Variants in DNA2 observed in about 807,000 individuals in gnomAD.
DNA2 encodes DNA replication ATP-dependent helicase/nuclease DNA2.
DNA2 carries 101 observed loss-of-function variants against 119.1 expected under a neutral mutation model. The ratio of observed to expected loss-of-function variants is 0.85; its 90% CI spans 0.72 to 1.00. The LOEUF (loss-of-function observed/expected upper bound fraction) is 1.00. DNA2 is among the 50% of genes least tolerant of loss of function. DNA2 has a pLI of 0.00. For missense variants in DNA2, 1,121 were observed against 1,255.5 expected (o/e 0.89, Z 1.62); for synonymous variants, 366 against 424.4 (o/e 0.86, Z 1.69).
chr10:68,442,918 T>G lies in DNA2; in HGVS notation c.1414A>C (p.Met472Leu). 1 of 1,608,624 alleles carries G rather than the reference T, an allele frequency of 6.2e-7. No individual in the cohort carries two copies. The highest frequency in any genetic ancestry group is 8.5e-7 in the Non-Finnish European group (1 of 1,177,778). The change falls in exon 9 of 21, where the codon ATG becomes CTG. Residue 472 changes from methionine to leucine, a missense_variant and splice_region_variant. Physicochemically the swap from Met to Leu is conservative, Grantham distance 15. Coordinates refer to ENST00000358410, the MANE Select transcript of DNA2 (RefSeq NM_001080449.3). ...QNIWLMPASE[M>L]EKSGSCIGNL... is the part of the protein sequence containing the mutation. ...TACTGTACTAAATGGACCACTTACA[T>G]TTCCGAAGCAGGCATTAGCCAGATA...
intron 5 of DNA2, among the ~76,000 whole-genome samples, chr10:68,456,921 T>G (rs1474786835): frequency 6.7e-6 from 1 of 150,258 alleles, no homozygotes; most frequent in African/African-American, 2.4e-5. Context: ...GATTACAAGG[T>G]CAGGAGATCG....
chr10:68,452,404 CAACT>C (rs1320057762), intron 5 of DNA2, among the ~76,000 whole-genome samples: 2 of 152,000 alleles, frequency 1.3e-5, no homozygotes, highest in Non-Finnish European at 2.9e-5. Context: ...ATTCTCTCAC[CAACT>C]GTTACTTGTT....
intron 10 of DNA2, among the ~76,000 whole-genome samples, chr10:68,432,806 G>C (rs1039545822): frequency 2.6e-5 from 4 of 152,118 alleles, no homozygotes; most frequent in Non-Finnish European, 5.9e-5. Flanking sequence ...CATCCCCAGA[G>C]GGATCCTGAA....
chr10:68,460,110 CTTT>C (rs368737041), intron 4 of DNA2, among the ~76,000 whole-genome samples: 1 of 149,844 alleles, frequency 6.7e-6, no homozygotes, highest in Non-Finnish European at 1.5e-5. Context: ...TTTCTCTTTT[CTTT>C]TTTTATTTTT....
intron 14 of DNA2, chr10:68,424,551 A>T: frequency 2.4e-6 from 2 of 822,436 alleles, no homozygotes; most frequent in Non-Finnish European, 4.3e-6. Flanking sequence ...CGCTAGCCGG[A>T]GCATCACCAT....
intron 10 of DNA2, among the ~76,000 whole-genome samples, chr10:68,433,447 G>A (rs2051847402): frequency 6.6e-6 from 1 of 152,078 alleles, no homozygotes; most frequent in Non-Finnish European, 1.5e-5. Flanking sequence ...GTAGCCAGAG[G>A]AAAATGCAAA....
At chr10:68,449,795 C>G (rs2052093352) in intron 6 of DNA2, among the ~76,000 whole-genome samples, 1 of 151,946 alleles carries the variant, frequency 6.6e-6, no homozygotes, top group Non-Finnish European at 1.5e-5. Context: ...GGCCTGTAAT[C>G]CCAGCTACTC....
At chr10:68,472,244 AGCTTAGTTTGAACACAACCTTTACAC>A (rs1010411060), upstream of DNA2, 141 of 1,180,394 alleles carry the variant, frequency 1.2e-4, no homozygotes, top group Middle Eastern at 8.5e-4. Flanking sequence ...ACAGGCGCCC[AGCTTAGTTTGAACACAACCTTTACAC>A]GCTTAGTTTG....
rs746522359 is a variant in DNA2 at position 68,431,936 on chromosome 10, C to T, written c.1909G>A (p.Val637Ile). 67 of 1,613,588 alleles carry T rather than the reference C, an allele frequency of 4.2e-5. No homozygotes were observed. Among genetic ancestry groups the T allele is most frequent in the Non-Finnish European group, 5.3e-5 (62 of 1,179,802 alleles). ...AGTGTGTAGTCTTTTGAAAGAAGTA[C>T]CTTTTTCATCGCTTGCCTCTGAGGC... Reference protein sequence around the residue: ...NKPQRQAMKKVLLSKDYTLIV... With the variant: ...NKPQRQAMKKILLSKDYTLIV... Residue 637 changes from valine to isoleucine, a missense_variant, in exon 13 of 21, where the codon GTA (valine) becomes ATA (isoleucine). Transcript: ENST00000358410.
At chr10:68,472,402 T>C (rs2052393820), upstream of DNA2, among the ~76,000 whole-genome samples, 1 of 152,116 alleles carries the variant, frequency 6.6e-6, no homozygotes, top group African/African-American at 2.4e-5. Context: ...AAATAGAAAC[T>C]GTCGGATAGG....
At chr10:68,457,265 T>A (rs937911812) in intron 5 of DNA2, among the ~76,000 whole-genome samples, 4 of 152,328 alleles carry the variant, frequency 2.6e-5, no homozygotes, top group African/African-American at 7.2e-5. Flanking sequence ...TACTGCACTT[T>A]GCTCTAGCCA....
chr10:68,425,903 G>A lies in DNA2; in HGVS notation c.2209-3013C>T, dbSNP rs575009901. Among the ~76,000 whole-genome samples, 415 of 151,960 alleles carry A rather than the reference G, an allele frequency of 2.7e-3. 3 individuals are homozygous for A. Among genetic ancestry groups the A allele is most frequent in the South Asian group, 0.018 (87 of 4,812 alleles). ...TAATACCAGCACTTTGGGAGGGCAA[G>A]ATGGGTGAATCACTTGAGGCCAGGA... On this transcript the variant is annotated intron_variant, in intron 14 of 20. Transcript: ENST00000358410.
chr10:68,419,952 G>A (rs761461811), intron 17 of DNA2, 60 bp from the exon 18 acceptor site: 97 of 1,395,712 alleles, frequency 6.9e-5, no homozygotes, highest in Non-Finnish European at 9.1e-5. Flanking sequence ...CTATAAGTAC[G>A]CAACTGGCCA....
intron 5 of DNA2, among the ~76,000 whole-genome samples, chr10:68,455,542 C>T (rs1347763126): frequency 2.0e-5 from 3 of 152,018 alleles, no homozygotes; most frequent in South Asian, 2.1e-4. Flanking sequence ...CAAACTCAGC[C>T]GGGCGCAGTG....
intron 14 of DNA2, among the ~76,000 whole-genome samples, chr10:68,426,464 G>A (rs1394299250): frequency 2.6e-5 from 4 of 151,976 alleles, no homozygotes; most frequent in African/African-American, 9.7e-5. Flanking sequence ...CTTGAACCTG[G>A]GAGGCAGAGG....
rs762788316 is a variant in DNA2, at chr10:68,450,087, T to C, written c.880A>G (p.Ile294Val). The change falls in exon 6 of 21, where the codon ATA becomes GTA. Residue 294 changes from isoleucine (I) to valine (V), a missense_variant. Ile to Val is a conservative substitution (Grantham distance 29). Coordinates refer to ENST00000358410, the MANE Select transcript of DNA2 (RefSeq NM_001080449.3). ...CCAGTTTTAAGTTCCAGCGGCATTATCTTGTATTTTGTTTTATACCCTCGA... is the reference window on the plus strand; with the variant it reads ...CCAGTTTTAAGTTCCAGCGGCATTACCTTGTATTTTGTTTTATACCCTCGA... ...IHRGYKTKYK[I>V]MPLELKTGKE... 1 of 1,603,290 alleles carries C rather than the reference T, an allele frequency of 6.2e-7. No individual in the cohort carries two copies. The highest frequency in any genetic ancestry group is 1.1e-5 in the South Asian group (1 of 89,532).
chr10:68,468,235 A>G lies in DNA2; in HGVS notation c.329T>C (p.Ile110Thr). ...AATCAAATATCCAAAATCTTTATCTATTATCCAAGTGTCAGATGTGCAGTC... is the reference window on the plus strand; with the variant it reads ...AATCAAATATCCAAAATCTTTATCTGTTATCCAAGTGTCAGATGTGCAGTC... ...EGDCTSDTWI[I>T]DKDFGYLILY... Residue 110 changes from isoleucine (I) to threonine (T), a missense_variant, in exon 3 of 21, where the codon ATA (isoleucine) becomes ACA (threonine). Transcript: ENST00000358410. The G allele has an allele frequency of 2.5e-6, 4 of 1,612,382 alleles. No individual in the cohort carries two copies. The highest frequency in any genetic ancestry group is 1.3e-5 in the African/African-American group (1 of 75,042).
intron 13 of DNA2, 30 bp from the exon 14 acceptor site, chr10:68,430,690 A>G (rs2051809178): frequency 2.1e-6 from 3 of 1,429,560 alleles, no homozygotes; most frequent in South Asian, 1.3e-5. Context: ...AAAAGAAAAA[A>G]CAGCCTTACT....
At chr10:68,431,429 C>A (rs894944535) in intron 13 of DNA2, among the ~76,000 whole-genome samples, 1 of 151,914 alleles carries the variant, frequency 6.6e-6, no homozygotes, top group Non-Finnish European at 1.5e-5. Context: ...GGATTATAGG[C>A]GCATGCCACT....
Sources: gnomAD v4.1 joint callset for allele counts (sites outside exome capture counted in the v4.1 genomes callset) on GRCh38, gnomAD v4.1.1 for gene constraint, MANE v1.5 for transcripts, NCBI Gene and HGNC (gene_info 2026-07-23, HGNC 2026-07-21) for gene names.